The following MAP3K2 variants were observed in gnomAD, a reference collection of about 807,000 sequenced individuals.
MAP3K2 encodes MAP/ERK kinase kinase 2.
MAP3K2 carries 24 observed loss-of-function variants against 80.3 expected under a neutral mutation model. The observed-to-expected ratio is 0.30, with a 90% CI of 0.22 to 0.42. MAP3K2 has a LOEUF of 0.42. Among genes scored for constraint, MAP3K2 ranks in the 10% least tolerant of loss-of-function variants. MAP3K2 has a pLI of 1.00. For missense variants in MAP3K2, 608 were observed against 750.1 expected (o/e 0.81, Z 2.21); for synonymous variants, 244 against 253.7 (o/e 0.96, Z 0.36).
intron 1 of MAP3K2, among the ~76,000 whole-genome samples, chr2:127,355,344 ACAT>A (rs1422571193): frequency 2.6e-5 from 4 of 152,156 alleles, no homozygotes; most frequent in African/African-American, 9.7e-5. Context: ...AAGACAGAAA[ACAT>A]CATCATTAAA....
intron 1 of MAP3K2, among the ~76,000 whole-genome samples, chr2:127,386,710 T>C (rs7607907): frequency 0.26 from 39,058 of 152,152 alleles, 5,212 homozygotes; most frequent in Middle Eastern, 0.31. Flanking sequence ...GCAAAAGATA[T>C]CGAAGAGCTT....
intron 1 of MAP3K2, among the ~76,000 whole-genome samples, chr2:127,379,429 G>GA (rs1687211308): frequency 6.6e-6 from 1 of 152,196 alleles, no homozygotes; most frequent in South Asian, 2.1e-4. Context: ...GTGAGGCTTA[G>GA]AGAGTGGAGC....
chr2:127,336,308 G>A (rs933766644), intron 4 of MAP3K2, among the ~76,000 whole-genome samples: 1 of 152,196 alleles, frequency 6.6e-6, no homozygotes, highest in African/African-American at 2.4e-5. Context: ...TGTGACATCT[G>A]TATGACAGAA....
chr2:127,321,594 A>C lies in MAP3K2; in HGVS notation c.1045+452T>G, dbSNP rs1686020709. On this transcript the variant is annotated intron_variant, in intron 12 of 16. Coordinates refer to ENST00000682094, the MANE Select transcript of MAP3K2 (RefSeq NM_001371910.2). This position sits in a 1 kb window ranked among gnomAD's most constrained non-coding sequence, Gnocchi z 4.4. ...CCACTATTTCAAGTAAGATACTCCC[A>C]CATCAGCCAAAAATTGAACTATTCC... 6.6e-6 allele frequency among the ~76,000 whole-genome samples: 1 copy of C among 152,214 alleles called. No individual in the cohort carries two copies. Among genetic ancestry groups the C allele is most frequent in the East Asian group, 1.9e-4 (1 of 5,204 alleles).
chr2:127,344,707 T>A (rs1686563581), intron 1 of MAP3K2, among the ~76,000 whole-genome samples: 1 of 152,066 alleles, frequency 6.6e-6, no homozygotes, highest in Non-Finnish European at 1.5e-5. Context: ...GCTATATGAA[T>A]AAGATGTATA....
rs1685622751 is a variant in MAP3K2, at chr2:127,302,784, T to C, written c.*4795A>G. ...TTTACATGTCTCTTTAGAACGAGAA[T>C]ACCTCTTTCTATGCTTGTGTTGGGA... On this transcript the variant is annotated 3_prime_UTR_variant, in exon 17 of 17. Coordinates refer to ENST00000682094, the MANE Select transcript of MAP3K2 (RefSeq NM_001371910.2). 6.6e-6 allele frequency: 1 copy of C among 152,212 alleles called. No individual in the cohort carries two copies. Among genetic ancestry groups the C allele is most frequent in the African/African-American group, 2.4e-5 (1 of 41,468 alleles). The allele number at this position is 152,212 out of a possible 1,614,324, so 9.4% of individuals were successfully genotyped here.
chr2:127,305,272 G>T lies in MAP3K2; in HGVS notation c.*2307C>A, dbSNP rs1157944688. On this transcript the variant is annotated 3_prime_UTR_variant, in exon 17 of 17. Transcript: ENST00000682094. ...ACCATGATCTTGCTCAAGTAGAAAA[G>T]ATGCCCTCATTCATAAAAGATAAAG... 1 of 152,502 alleles carries T rather than the reference G, an allele frequency of 6.6e-6. No homozygotes were observed. The highest frequency in any genetic ancestry group is 1.5e-5 in the Non-Finnish European group (1 of 67,990). The allele number at this position is 152,502 out of a possible 1,614,324, so 9.4% of individuals were successfully genotyped here. A position where few individuals can be genotyped will look rare whatever the true frequency, so the allele number is the denominator to read the frequency against.
intron 1 of MAP3K2, chr2:127,378,122 G>A (rs183756414): frequency 1.0e-6 from 1 of 969,852 alleles, no homozygotes; most frequent in African/African-American, 1.8e-5. Context: ...AAGATACTGA[G>A]AGAAGATGAC....
intron 15 of MAP3K2, among the ~76,000 whole-genome samples, chr2:127,312,038 A>G (rs2104807792): frequency 6.6e-6 from 1 of 152,314 alleles, no homozygotes; most frequent in South Asian, 2.1e-4. Context: ...CCGAATTTGG[A>G]GGCGTGATCA....
intron 1 of MAP3K2, among the ~76,000 whole-genome samples, chr2:127,383,874 A>ATTTTT (rs111243354): frequency 7.1e-6 from 1 of 141,362 alleles, no homozygotes; most frequent in African/African-American, 2.6e-5. Flanking sequence ...GCAACAAATA[A>ATTTTT]TTTTTTTTTT....
chr2:127,349,208 T>TA lies in MAP3K2; in HGVS notation c.-65-6015dup, dbSNP rs1686647844. 2.0e-5 allele frequency among the ~76,000 whole-genome samples: 3 copies of TA among 152,128 alleles called. No homozygotes were observed. The South Asian group carries it at 6.2e-4, about 31-fold the overall frequency. On this transcript the variant is annotated intron_variant, in intron 1 of 16. Transcript: ENST00000682094. Reference sequence around the variant, plus strand: ...CAGGGTCTCACTTTGTTGCCCAGGTTAGAGTGCACTGGCATGATCACTGCC... The same window carrying TA: ...CAGGGTCTCACTTTGTTGCCCAGGTTAAGAGTGCACTGGCATGATCACTGCC...
At chr2:127,335,247 T>C (rs1475308701) in intron 5 of MAP3K2, among the ~76,000 whole-genome samples, 1 of 152,220 alleles carries the variant, frequency 6.6e-6, no homozygotes, top group African/African-American at 2.4e-5. Context: ...ATTCACCTAA[T>C]TACTAACCCA....
At chr2:127,347,405 C>T (rs1686615566) in intron 1 of MAP3K2, among the ~76,000 whole-genome samples, 1 of 151,940 alleles carries the variant, frequency 6.6e-6, no homozygotes, top group Admixed American at 6.5e-5. Context: ...GATACAAGGT[C>T]AACATTCAAA....
In MAP3K2 at chr2:127,387,465, G is replaced by A. The variant is rs949907776; in HGVS notation, c.-79C>T. Reference sequence around the variant, plus strand: ...ACACGCACGTACCGGCTGCTCCGCAGGGACGTAGAGAGCCGCAGGCCCAAG... The same window carrying A: ...ACACGCACGTACCGGCTGCTCCGCAAGGACGTAGAGAGCCGCAGGCCCAAG... On this transcript the variant is annotated 5_prime_UTR_variant, in exon 1 of 17. Coordinates refer to ENST00000682094, the MANE Select transcript of MAP3K2 (RefSeq NM_001371910.2). The A allele has an allele frequency of 2.9e-5, 29 of 983,876 alleles. No homozygotes were observed. The highest frequency in any genetic ancestry group is 3.6e-5 in the African/African-American group (2 of 55,952). The allele number at this position is 983,876 out of a possible 1,614,324, so 60.9% of individuals were successfully genotyped here.
Position 127,307,197 on chromosome 2 carries a change from G to C in MAP3K2, c.*382C>G, listed in dbSNP as rs1309841929. 1 of 153,900 alleles carries C rather than the reference G, an allele frequency of 6.5e-6. No homozygotes were observed. The highest frequency in any genetic ancestry group is 1.4e-5 in the Non-Finnish European group (1 of 69,116). The allele number at this position is 153,900 out of a possible 1,614,324, so 9.5% of individuals were successfully genotyped here. On this transcript the variant is annotated 3_prime_UTR_variant, in exon 17 of 17. Transcript: ENST00000682094. This position sits in a 1 kb window ranked among gnomAD's most constrained non-coding sequence, Gnocchi z 5.4. ...AATTATACATCATTTTCTTCTCCTTGTTTTCCATGTCTTCCCATCGTCACT... is the reference window on the plus strand; with the variant it reads ...AATTATACATCATTTTCTTCTCCTTCTTTTCCATGTCTTCCCATCGTCACT...
intron 12 of MAP3K2, among the ~76,000 whole-genome samples, chr2:127,319,681 A>G (rs1685978247): frequency 6.7e-6 from 1 of 148,276 alleles, no homozygotes; most frequent in Admixed American, 6.7e-5. Flanking sequence ...AAAAAAAAGA[A>G]AAAGAAAAAT....
At chr2:127,346,948 T>C (rs1323540802) in intron 1 of MAP3K2, among the ~76,000 whole-genome samples, 2 of 151,892 alleles carry the variant, frequency 1.3e-5, no homozygotes, top group South Asian at 4.2e-4. Context: ...GAGATCATGC[T>C]GCACTGTACT....
At chr2:127,353,134 T>C (rs938040460) in intron 1 of MAP3K2, among the ~76,000 whole-genome samples, 3 of 152,040 alleles carry the variant, frequency 2.0e-5, no homozygotes, top group African/African-American at 7.3e-5. Flanking sequence ...GTCTGGGAAG[T>C]GAGGAGCGTC....
At position 127,339,126 on chromosome 2, in the gene MAP3K2, C is replaced by A; in HGVS notation, c.5-76G>T. 1.2e-6 allele frequency: 1 copy of A among 846,010 alleles called. No individual in the cohort carries two copies. The highest frequency in any genetic ancestry group is 1.8e-6 in the Non-Finnish European group (1 of 540,906). 52.4% of individuals were successfully genotyped at this position (846,010 alleles called of 1,614,324 possible). A position where few individuals can be genotyped will look rare whatever the true frequency, so the allele number is the denominator to read the frequency against. The stretch of plus-strand genomic sequence containing the variant: ...TATCAACATGTATAGACATCAAACA[C>A]AAAATTTAAAATAAAATTTGATGTA... On this transcript the variant is annotated intron_variant, in intron 2 of 16. Transcript: ENST00000682094. This position sits in a 1 kb window ranked among gnomAD's most constrained non-coding sequence, Gnocchi z 4.2.
Sources: allele counts gnomAD v4.1 joint callset (sites outside exome capture counted in the v4.1 genomes callset), GRCh38; gene constraint gnomAD v4.1.1; non-coding constraint Gnocchi (gnomAD v3.1); transcripts MANE v1.5; gene names NCBI Gene and HGNC (gene_info 2026-07-23, HGNC 2026-07-21).